TMTC3: variants seen among roughly 807,000 people sequenced by gnomAD.
The protein encoded by TMTC3 is transmembrane O-mannosyltransferase targeting cadherins 3, also known as protein O-mannosyl-transferase TMTC3.
TMTC3 carries 52 observed loss-of-function variants against 92.2 expected under a neutral mutation model. The observed-to-expected ratio is 0.56, with a 90% CI of 0.45 to 0.71. The LOEUF is 0.71. TMTC3 is among the 30% of genes least tolerant of loss of function. TMTC3 has a pLI of 0.00. For synonymous variants in TMTC3, 339 were observed against 363.3 expected, an observed-to-expected ratio of 0.93 and a Z score of 0.76; for missense variants, 896 against 1,057.1, an observed-to-expected ratio of 0.85 and a Z score of 2.11.
chr12:88,158,677 T>TATTAA (rs2041038565), intron 4 of TMTC3, among the ~76,000 whole-genome samples: 1 of 151,672 alleles, frequency 6.6e-6, no homozygotes, highest in Non-Finnish European at 1.5e-5. Flanking sequence ...GAAGAAAATG[T>TATTAA]ATTCATGAAT....
chr12:88,167,955 G>C (rs546786436), intron 7 of TMTC3, among the ~76,000 whole-genome samples: 2 of 152,154 alleles, frequency 1.3e-5, no homozygotes, highest in African/African-American at 2.4e-5. Flanking sequence ...GATGGTAGCT[G>C]TTAACATTCT....
chr12:88,194,714 T>C (rs2041487738), intron 13 of TMTC3, 124 bp from the exon 14 acceptor site: 1 of 669,600 alleles, frequency 1.5e-6, no homozygotes, highest in Admixed American at 3.8e-5. Context: ...TCTACTTTTT[T>C]TAACTATGGA....
chr12:88,179,040 C>A (rs982706378), intron 10 of TMTC3, among the ~76,000 whole-genome samples: 1 of 152,130 alleles, frequency 6.6e-6, no homozygotes, highest in Non-Finnish European at 1.5e-5. Flanking sequence ...ATTTGCTGAA[C>A]CTTTCTTCAG....
intron 7 of TMTC3, among the ~76,000 whole-genome samples, chr12:88,169,750 G>A (rs774468378): frequency 2.6e-5 from 4 of 151,986 alleles, no homozygotes; most frequent in Non-Finnish European, 5.9e-5. Flanking sequence ...ACAAACCTGG[G>A]CAAGACAGTG....
chr12:88,171,811 A>G (rs2041208082), intron 7 of TMTC3, among the ~76,000 whole-genome samples: 2 of 152,110 alleles, frequency 1.3e-5, no homozygotes, highest in South Asian at 4.1e-4. Context: ...ATGCTAATTT[A>G]CATCCCACCA....
chr12:88,151,835 C>T (rs2040946969), intron 2 of TMTC3, among the ~76,000 whole-genome samples: 1 of 152,030 alleles, frequency 6.6e-6, no homozygotes, highest in Non-Finnish European at 1.5e-5. Flanking sequence ...TTAAAAATAG[C>T]TTTATATGCC....
At chr12:88,159,075 A>G (rs983147116) in intron 4 of TMTC3, among the ~76,000 whole-genome samples, 3 of 151,808 alleles carry the variant, frequency 2.0e-5, no homozygotes, top group African/African-American at 7.2e-5. Flanking sequence ...AGGAAAAAAA[A>G]AAAAAAGAAA....
chr12:88,164,697 C>A (rs563709938), intron 6 of TMTC3, among the ~76,000 whole-genome samples: 2 of 152,192 alleles, frequency 1.3e-5, no homozygotes, highest in South Asian at 4.2e-4. Context: ...TAAGTTATTG[C>A]CATTACATGC....
rs1297379357 is a variant in TMTC3, at chr12:88,172,635, G to A, written c.1089G>A (p.Ser363=). ...CLMALPFIPA[S]NLFFPVGFVV... is the part of the protein sequence containing the mutation. The stretch of plus-strand genomic sequence containing the variant: ...TGGCATTACCATTTATTCCTGCATC[G>A]AACCTTTTTTTTCCAGTTGGATTTG... Residue 363 remains serine (S), a synonymous_variant, in exon 8 of 14, where the codon TCG becomes TCA. Coordinates refer to ENST00000266712, the MANE Select transcript of TMTC3 (RefSeq NM_181783.4). The A allele has an allele frequency of 1.4e-5, 21 of 1,554,250 alleles. No homozygotes were observed. Among genetic ancestry groups the A allele is most frequent in the Admixed American group, 1.9e-5 (1 of 53,114 alleles).
In TMTC3 at chr12:88,188,859, T is replaced by C; in HGVS notation, c.1449T>C (p.His483=). The C allele has an allele frequency of 6.3e-7, 1 of 1,578,578 alleles. No homozygotes were observed. The highest frequency in any genetic ancestry group is 2.3e-5 in the East Asian group (1 of 44,424). ...THVQPDDIGA[H]MNVGRTYKNL... is the part of the protein sequence containing the mutation. ...AAATTTTAGATGATATTGGTGCCCATATGAATGTAGGAAGAACTTATAAAA... is the reference window on the plus strand; with the variant it reads ...AAATTTTAGATGATATTGGTGCCCACATGAATGTAGGAAGAACTTATAAAA... The change falls in exon 11 of 14, where the codon CAT becomes CAC. Residue 483 remains histidine, a synonymous_variant. Coordinates refer to ENST00000266712, the MANE Select transcript of TMTC3 (RefSeq NM_181783.4).
rs186179862 is a variant in TMTC3, at chr12:88,146,632, T to C, written c.-28-1656T>C. On this transcript the variant is annotated intron_variant, in intron 1 of 13. Transcript: ENST00000266712. ...GTGTGTATATATATATATACATATA[T>C]ATGTATATATATGTAAAATAAAGAT... Among the ~76,000 whole-genome samples the C allele has an allele frequency of 3.0e-4, 45 of 149,116 alleles. No homozygotes were observed. In the East Asian group the frequency reaches 7.5e-3, roughly 25 times the overall value.
chr12:88,198,940 A>G lies in TMTC3; in HGVS notation c.*3291A>G, dbSNP rs2041548464. 2 of 152,282 alleles carry G rather than the reference A, an allele frequency of 1.3e-5. No homozygotes were observed. The highest frequency in any genetic ancestry group is 4.1e-4 in the South Asian group (2 of 4,830). The allele number at this position is 152,282 out of a possible 1,614,324, so 9.4% of individuals were successfully genotyped here. A position where few individuals can be genotyped will look rare whatever the true frequency, so the allele number is the denominator to read the frequency against. On this transcript the variant is annotated 3_prime_UTR_variant, in exon 14 of 14. Transcript: ENST00000266712. ...TCATGTAGAGAGTTTATAAGAAAAT[A>G]ATTTAAAATTGTATGCATTTTATAT...
intron 7 of TMTC3, among the ~76,000 whole-genome samples, chr12:88,166,992 GTT>G (rs36110529): frequency 1.2e-3 from 143 of 121,414 alleles, no homozygotes; most frequent in East Asian, 2.5e-3. Flanking sequence ...TATTTGAACA[GTT>G]TTTTTTTTTT....
intron 10 of TMTC3, among the ~76,000 whole-genome samples, chr12:88,186,246 T>G (rs2041376649): frequency 6.6e-6 from 1 of 152,178 alleles, no homozygotes; most frequent in African/African-American, 2.4e-5. Context: ...TACTGTCATT[T>G]CAAATAAATG....
At chr12:88,189,519 T>G (rs2041419850) in intron 11 of TMTC3, among the ~76,000 whole-genome samples, 1 of 152,182 alleles carries the variant, frequency 6.6e-6, no homozygotes, top group African/African-American at 2.4e-5. Context: ...AAATATAATT[T>G]TATTTATGTA....
At chr12:88,176,471 C>T (rs2041261024) in intron 10 of TMTC3, 152 bp downstream of exon 10, 1 of 570,856 alleles carries the variant, frequency 1.8e-6, no homozygotes, top group Non-Finnish European at 3.1e-6. Flanking sequence ...TTACATATAA[C>T]AGCCACTTAA....
chr12:88,150,174 G>A (rs898847377), intron 2 of TMTC3, among the ~76,000 whole-genome samples: 3 of 152,182 alleles, frequency 2.0e-5, no homozygotes, highest in African/African-American at 7.2e-5. Flanking sequence ...GAGGCCTCAA[G>A]AAGCTTGCAG....
intron 8 of TMTC3, among the ~76,000 whole-genome samples, chr12:88,173,584 C>T (rs893999550): frequency 6.6e-6 from 1 of 152,028 alleles, no homozygotes; most frequent in African/African-American, 2.4e-5. Flanking sequence ...TGAATATTTA[C>T]ATTTTTCAAA....
At chr12:88,153,543 T>C (rs763306434) in intron 3 of TMTC3, 34 bp downstream of exon 3, 1 of 1,360,838 alleles carries the variant, frequency 7.3e-7, no homozygotes, top group Admixed American at 2.0e-5. Context: ...TTTTTTCTTT[T>C]TCCTTTTTTA....
Sources: allele counts gnomAD v4.1 joint callset (sites outside exome capture counted in the v4.1 genomes callset), GRCh38; gene constraint gnomAD v4.1.1; transcripts MANE v1.5; gene names NCBI Gene and HGNC (gene_info 2026-07-23, HGNC 2026-07-21).